The following SAMMSON variants were observed in gnomAD, a reference collection of about 807,000 sequenced individuals.
SAMMSON encodes the protein long intergenic non-protein coding RNA 1212.
At chr3:70,049,466 G>A (rs1273588492) in intron 3 of SAMMSON, among the ~76,000 whole-genome samples, 1 of 152,114 alleles carries the variant, frequency 6.6e-6, no homozygotes, top group Non-Finnish European at 1.5e-5. Flanking sequence ...GTTAAAACTG[G>A]CTGCTTTCAA....
chr3:70,144,959 G>C (rs577890241), intron 4 of SAMMSON, among the ~76,000 whole-genome samples: 68 of 152,138 alleles, frequency 4.5e-4, no homozygotes, highest in Middle Eastern at 3.4e-3. Flanking sequence ...TACAGTTACT[G>C]TCTGCTTAAA....
chr3:70,362,010 G>A (rs1340183387), intron 9 of SAMMSON, among the ~76,000 whole-genome samples: 1 of 152,076 alleles, frequency 6.6e-6, no homozygotes, highest in African/African-American at 2.4e-5. Context: ...GATTTCCCGA[G>A]ATGAATGTTT....
intron 4 of SAMMSON, among the ~76,000 whole-genome samples, chr3:70,221,163 C>T (rs991702765): frequency 2.6e-5 from 4 of 151,974 alleles, no homozygotes; most frequent in Non-Finnish European, 5.9e-5. Context: ...TGGAATAAAC[C>T]GTAGATGTCA....
chr3:70,410,384 C>G (rs1701208548), intron 2 of SAMMSON, among the ~76,000 whole-genome samples: 1 of 152,194 alleles, frequency 6.6e-6, no homozygotes, highest in African/African-American at 2.4e-5. Flanking sequence ...TTTTCATCCC[C>G]TAAGACATTG....
chr3:70,227,394 T>A (rs1401952461), intron 4 of SAMMSON, among the ~76,000 whole-genome samples: 5 of 152,132 alleles, frequency 3.3e-5, no homozygotes, highest in African/African-American at 1.2e-4. Context: ...AAGAAAACAA[T>A]GTGATTCAAA....
chr3:70,336,113 G>A (rs1482222737), intron 7 of SAMMSON, among the ~76,000 whole-genome samples: 1 of 151,926 alleles, frequency 6.6e-6, no homozygotes, highest in African/African-American at 2.4e-5. Flanking sequence ...GTACAAAATA[G>A]CACTCAGCAC....
rs1288318996 is a variant in SAMMSON, at chr3:70,202,293, G to A, written n.508-46814G>A. ...CTAGTGGTCTTTCTGATAATGGTTAGTAACTAGTGCTCTATCTGATAGTGG... is the reference window on the plus strand; with the variant it reads ...CTAGTGGTCTTTCTGATAATGGTTAATAACTAGTGCTCTATCTGATAGTGG... On this transcript the variant is annotated intron_variant and non_coding_transcript_variant, in intron 4 of 9. Transcript: ENST00000642114. 3.9e-5 allele frequency among the ~76,000 whole-genome samples: 6 copies of A among 152,138 alleles called. No homozygotes were observed. In the South Asian group the frequency reaches 1.0e-3, roughly 26 times the overall value.
chr3:70,312,289 A>G (rs1487740714), intron 7 of SAMMSON, among the ~76,000 whole-genome samples: 2 of 152,250 alleles, frequency 1.3e-5, no homozygotes, highest in African/African-American at 4.8e-5. Context: ...ACAAACATTC[A>G]GTAGCTGTTT....
At chr3:70,162,082 A>G (rs1225215712) in intron 4 of SAMMSON, among the ~76,000 whole-genome samples, 1 of 151,634 alleles carries the variant, frequency 6.6e-6, no homozygotes, top group Admixed American at 6.6e-5. Flanking sequence ...CCAAAAAACA[A>G]TGTTTTGGTT....
intron 9 of SAMMSON, among the ~76,000 whole-genome samples, chr3:70,365,403 C>T (rs1702912967): frequency 6.6e-6 from 1 of 151,440 alleles, no homozygotes; most frequent in African/African-American, 2.4e-5. Flanking sequence ...TACACATATC[C>T]ATAAATATTT....
intron 4 of SAMMSON, among the ~76,000 whole-genome samples, chr3:70,220,223 G>A (rs1362315489): frequency 1.3e-5 from 2 of 151,974 alleles, no homozygotes; most frequent in Admixed American, 6.6e-5. Context: ...TTCTGTGTGA[G>A]AGTACAATAG....
At chr3:70,061,713 G>T (rs951146965) in intron 3 of SAMMSON, among the ~76,000 whole-genome samples, 23 of 152,058 alleles carry the variant, frequency 1.5e-4, no homozygotes, top group Non-Finnish European at 3.2e-4. Context: ...TCAGATGCTA[G>T]CTCCCTCCGC....
chr3:70,207,814 G>A (rs934452482), intron 4 of SAMMSON, among the ~76,000 whole-genome samples: 1 of 152,100 alleles, frequency 6.6e-6, no homozygotes, highest in African/African-American at 2.4e-5. Context: ...TTAGAGACCT[G>A]AGCATCTGAA....
intron 4 of SAMMSON, among the ~76,000 whole-genome samples, chr3:70,168,908 C>T (rs2067648857): frequency 2.0e-5 from 3 of 151,878 alleles, no homozygotes; most frequent in South Asian, 2.1e-4. Context: ...TCAAATTCTC[C>T]TGCTGTTTTC....
intron 4 of SAMMSON, among the ~76,000 whole-genome samples, chr3:70,193,479 TG>T (rs1701146970): frequency 6.6e-6 from 1 of 152,116 alleles, no homozygotes; most frequent in African/African-American, 2.4e-5. Context: ...TTTTATTTTT[TG>T]TAGAGACAGG....
intron 3 of SAMMSON, among the ~76,000 whole-genome samples, chr3:70,057,371 T>C (rs887629212): frequency 1.3e-5 from 2 of 152,096 alleles, no homozygotes; most frequent in African/African-American, 2.4e-5. Context: ...AGAATGTTTC[T>C]ATATACATTT....
intron 1 of SAMMSON, among the ~76,000 whole-genome samples, chr3:70,002,781 A>G (rs938250719): frequency 3.9e-5 from 6 of 152,222 alleles, no homozygotes; most frequent in East Asian, 1.9e-4. Flanking sequence ...ATGGCCTGTT[A>G]TCAATTGTGG....
chr3:70,125,253 C>G (rs1168244053), intron 4 of SAMMSON: 4 of 1,284,868 alleles, frequency 3.1e-6, no homozygotes, highest in Admixed American at 1.7e-5. Flanking sequence ...AAACGTATAT[C>G]AAACATGATC....
rs902883927 is a variant in SAMMSON at position 70,160,488 on chromosome 3, A to G, written n.508-88619A>G. On this transcript the variant is annotated intron_variant and non_coding_transcript_variant, in intron 4 of 9. Coordinates refer to ENST00000642114, the Ensembl canonical transcript of SAMMSON. ...TCTGAGGTGGGTTTGTTGAATATCA[A>G]TTGACAATCGACCATTCATAGAAGG... Among the ~76,000 whole-genome samples the G allele has an allele frequency of 5.3e-5, 8 of 152,104 alleles. No homozygotes were observed. The East Asian group carries it at 1.2e-3, about 22-fold the overall frequency.
Sources: gnomAD v4.1 joint callset for allele counts (sites outside exome capture counted in the v4.1 genomes callset) on GRCh38, gnomAD v4.1.1 for gene constraint, MANE v1.5 for transcripts, NCBI Gene and HGNC (gene_info 2026-07-23, HGNC 2026-07-21) for gene names.